The following CHST10 variants were observed in gnomAD, a reference collection of about 807,000 sequenced individuals.
CHST10 encodes the protein carbohydrate sulfotransferase 10, also known as HNK-1 sulfotransferase.
CHST10 carries 24 observed loss-of-function variants against 34.7 expected under a neutral mutation model. The ratio of observed to expected loss-of-function variants is 0.69; its 90% CI spans 0.50 to 0.97. The LOEUF is 0.97. CHST10 is among the 50% of genes least tolerant of loss of function. The pLI is 0.00. For synonymous variants in CHST10, 161 were observed against 169.3 expected, an observed-to-expected ratio of 0.95 and a Z score of 0.38; for missense variants, 402 against 452.1, an observed-to-expected ratio of 0.89 and a Z score of 1.00.
intron 2 of CHST10, among the ~76,000 whole-genome samples, chr2:100,407,090 A>C (rs1274697886): frequency 6.6e-6 from 1 of 152,158 alleles, no homozygotes; most frequent in Non-Finnish European, 1.5e-5. Context: ...AGGCCTGCCA[A>C]GGACTAGGCC....
chr2:100,406,365 G>A (rs1208377582), intron 3 of CHST10, among the ~76,000 whole-genome samples: 2 of 152,162 alleles, frequency 1.3e-5, no homozygotes, highest in African/African-American at 4.8e-5. Context: ...TCCTCCAGAG[G>A]AGATGCTTGA....
chr2:100,408,561 C>T (rs1420081820), intron 2 of CHST10: 2 of 152,136 alleles, frequency 1.3e-5, no homozygotes, highest in Admixed American at 6.5e-5. Flanking sequence ...GTGCAGACCC[C>T]CAGTAAAAAC....
chr2:100,410,029 G>A (rs1033278808), intron 2 of CHST10, among the ~76,000 whole-genome samples: 2 of 152,104 alleles, frequency 1.3e-5, no homozygotes, highest in Non-Finnish European at 2.9e-5. Context: ...AGCTTCAGGG[G>A]CAAAACCCTA....
chr2:100,404,733 G>A (rs1675497215), intron 3 of CHST10, among the ~76,000 whole-genome samples: 1 of 152,132 alleles, frequency 6.6e-6, no homozygotes, highest in Admixed American at 6.5e-5. Context: ...AAACACAAAG[G>A]CACAAGTCTT....
chr2:100,415,008 A>G (rs1676007408), intron 2 of CHST10, 33 bp downstream of exon 2: 2 of 1,280,074 alleles, frequency 1.6e-6, no homozygotes, highest in African/African-American at 1.5e-5. Flanking sequence ...GCATGCTCAA[A>G]TAACTGATGA....
intron 3 of CHST10, among the ~76,000 whole-genome samples, chr2:100,403,489 G>A (rs931269003): frequency 2.6e-5 from 4 of 152,202 alleles, no homozygotes; most frequent in African/African-American, 9.7e-5. Context: ...GAGCTGAACA[G>A]AAACTGTAAC....
intron 4 of CHST10, among the ~76,000 whole-genome samples, chr2:100,401,945 G>T (rs1675360422): frequency 6.6e-6 from 1 of 152,166 alleles, no homozygotes. Flanking sequence ...CAGAATGGGG[G>T]TTACGAAGTG....
rs142029076 is a variant in CHST10, at chr2:100,406,068, G to A, written c.100+508C>T. On this transcript the variant is annotated intron_variant, in intron 3 of 6. Coordinates refer to ENST00000264249, the MANE Select transcript of CHST10 (RefSeq NM_004854.5). ...TATCCGTCCTCATCTGAATGCCTAC[G>A]TTCAGTAAAGGAGAGCTAAGAAAGC... Among the ~76,000 whole-genome samples, 26 of 152,272 alleles carry A rather than the reference G, an allele frequency of 1.7e-4. No homozygotes were observed. The East Asian group carries it at 3.7e-3, about 21-fold the overall frequency.
chr2:100,393,643 A>G lies in CHST10; in HGVS notation c.673T>C (p.Tyr225His), dbSNP rs12476171. ...CGGGTCTCTGTCCGGTTCCTCCTGT[A>G]TTTTCTGATGATGCCAGGAGCAATC... ...HEIAPGIIRK[Y>H]RRNRTETRGI... The change falls in exon 7 of 7, where the codon TAC (tyrosine) becomes CAC (histidine). Residue 225 changes from tyrosine to histidine, a missense_variant. Coordinates refer to ENST00000264249, the MANE Select transcript of CHST10 (RefSeq NM_004854.5). The G allele has an allele frequency of 1.7e-5, 28 of 1,613,946 alleles. No homozygotes were observed. Among genetic ancestry groups the G allele is most frequent in the Non-Finnish European group, 2.2e-5 (26 of 1,180,028 alleles).
rs532512307 is a variant in CHST10, at chr2:100,409,874, G to C, written c.-32-3167C>G. ...CTCTTACTAAACTAAGATATACAGAGAGTCCCTTCCCTGGCCACTCCATTA... is the reference window on the plus strand; with the variant it reads ...CTCTTACTAAACTAAGATATACAGACAGTCCCTTCCCTGGCCACTCCATTA... On this transcript the variant is annotated intron_variant, in intron 2 of 6. Coordinates refer to ENST00000264249, the MANE Select transcript of CHST10 (RefSeq NM_004854.5). Among the ~76,000 whole-genome samples the C allele has an allele frequency of 4.6e-5, 7 of 152,272 alleles. No homozygotes were observed. In the South Asian group the frequency reaches 1.5e-3, roughly 32 times the overall value.
rs370119165 is a variant in CHST10, at chr2:100,393,319, G to A, written c.997C>T (p.Arg333Ter). 5.0e-6 allele frequency: 8 copies of A among 1,614,042 alleles called. No homozygotes were observed. The highest frequency in any genetic ancestry group is 1.1e-5 in the South Asian group (1 of 91,080). ...YFLGISKRDIRRLYARFEGDF... is the reference protein window; with the variant it reads ...YFLGISKRDI ...CCTTCGAAACGGGCATACAGGCGTC[G>A]GATGTCTCGTTTGCTGATGCCCAGG... is the stretch of plus-strand genomic sequence containing the variant. Residue 333 changes from arginine (R) to a stop codon, truncating the protein, a stop_gained, in exon 7 of 7, where the codon CGA becomes TGA. Coordinates refer to ENST00000264249, the MANE Select transcript of CHST10 (RefSeq NM_004854.5). LOFTEE classifies it high-confidence loss of function.
At chr2:100,413,376 C>T (rs1011131363) in intron 2 of CHST10, among the ~76,000 whole-genome samples, 2 of 152,294 alleles carry the variant, frequency 1.3e-5, no homozygotes, top group African/African-American at 4.8e-5. Flanking sequence ...TTTCCTACTT[C>T]CAGTCATTAA....
intron 3 of CHST10, among the ~76,000 whole-genome samples, chr2:100,405,716 C>T (rs1019946059): frequency 6.6e-6 from 1 of 152,228 alleles, no homozygotes; most frequent in Non-Finnish European, 1.5e-5. Context: ...CATCCACGTT[C>T]CCCAGTATCT....
chr2:100,406,349 C>T (rs976802960), intron 3 of CHST10, among the ~76,000 whole-genome samples: 5 of 152,250 alleles, frequency 3.3e-5, no homozygotes, highest in African/African-American at 1.2e-4. Flanking sequence ...CAAAGAGCAG[C>T]TTCCTTCCTC....
At chr2:100,395,479 C>T (rs1411177204) in intron 6 of CHST10, 30 bp downstream of exon 6, 2 of 1,585,904 alleles carry the variant, frequency 1.3e-6, no homozygotes, top group Non-Finnish European at 1.7e-6. Context: ...ACAAAAACTC[C>T]CCCCTCCCCT....
chr2:100,401,762 C>T (rs1045737686), intron 4 of CHST10, among the ~76,000 whole-genome samples: 3 of 152,154 alleles, frequency 2.0e-5, no homozygotes, highest in African/African-American at 7.2e-5. Context: ...ACTCTACTGA[C>T]TGGTGTATGT....
At chr2:100,396,052 G>A (rs1028805698) in intron 5 of CHST10, among the ~76,000 whole-genome samples, 5 of 152,196 alleles carry the variant, frequency 3.3e-5, no homozygotes, top group African/African-American at 9.7e-5. Context: ...ACAGATGCCC[G>A]CAGCAGCTTC....
intron 3 of CHST10, among the ~76,000 whole-genome samples, chr2:100,403,908 T>A (rs1675450157): frequency 6.6e-6 from 1 of 152,030 alleles, no homozygotes; most frequent in Non-Finnish European, 1.5e-5. Flanking sequence ...CGGGACACAC[T>A]CTCTAAAGCA....
rs745740361 is a variant in CHST10, at chr2:100,415,126, TA to T, written c.-103-16del. ...TCCTCTTGTCACTGGATAGGAAAAT[TA>T]AAAAAAAAAAAGCATTATTAAAAGT... On this transcript the variant is annotated splice_polypyrimidine_tract_variant and intron_variant, in intron 1 of 6. Coordinates refer to ENST00000264249, the MANE Select transcript of CHST10 (RefSeq NM_004854.5). 148,876 of 841,080 alleles carry T rather than the reference TA, an allele frequency of 0.18. 1 individual carries two copies. The highest frequency in any genetic ancestry group is 0.25 in the South Asian group (12,362 of 48,902). The allele number at this position is 841,080 out of a possible 1,614,324, so 52.1% of individuals were successfully genotyped here. A position where few individuals can be genotyped will look rare whatever the true frequency, so the allele number is the denominator to read the frequency against.
Sources: gnomAD v4.1 joint callset for allele counts (sites outside exome capture counted in the v4.1 genomes callset) on GRCh38, gnomAD v4.1.1 for gene constraint, MANE v1.5 for transcripts, NCBI Gene and HGNC (gene_info 2026-07-23, HGNC 2026-07-21) for gene names.